CCDC175: variants seen among roughly 807,000 people sequenced by gnomAD.
CCDC175 encodes the protein coiled-coil domain-containing protein 175.
A neutral mutation model predicts 114.6 loss-of-function variants in CCDC175; 100 were observed. The ratio of observed to expected loss-of-function variants is 0.87; its 90% CI spans 0.74 to 1.03. The LOEUF is 1.03. Ranked by LOEUF, CCDC175 falls within the 50% of genes least tolerant of loss-of-function variation. The pLI, the probability that CCDC175 is intolerant of heterozygous loss-of-function variation, is 0.00. For synonymous variants in CCDC175, 306 were observed against 308.7 expected (o/e 0.99, Z 0.09); for missense variants, 880 against 917.8 (o/e 0.96, Z 0.53).
In CCDC175 at chr14:59,549,742, AG is replaced by A. The variant is rs1448407363; in HGVS notation, c.1035+1612del. Among the ~76,000 whole-genome samples the A allele has an allele frequency of 1.9e-3, 295 of 151,286 alleles. 3 individuals are homozygous for A. Among genetic ancestry groups the A allele is most frequent in the African/African-American group, 6.7e-3 (275 of 41,280 alleles). ...CTCAAAAAAAAAAAGAAAAAGAAAA[AG>A]AAAAAAAAGAAAGAAAAGAAAGGAA... On this transcript the variant is annotated intron_variant, in intron 8 of 19. Transcript: ENST00000537690.
chr14:59,540,827 G>T, intron 10 of CCDC175, 81 bp from the exon 11 acceptor site: 3 of 1,139,762 alleles, frequency 2.6e-6, no homozygotes, highest in Non-Finnish European at 3.7e-6. Context: ...TAATTTGTAT[G>T]CTCAGTAAGG....
chr14:59,538,303 T>C, intron 12 of CCDC175, 149 bp from the exon 13 acceptor site: 1 of 669,652 alleles, frequency 1.5e-6, no homozygotes, highest in Non-Finnish European at 2.4e-6. Flanking sequence ...GAGGAATATT[T>C]TTTTCCTCCA....
At chr14:59,525,641 A>C (rs149928068) in intron 15 of CCDC175, among the ~76,000 whole-genome samples, 9 of 152,210 alleles carry the variant, frequency 5.9e-5, no homozygotes, top group African/African-American at 2.2e-4. Flanking sequence ...TCAAGATAAG[A>C]ACCCCAGACC....
At chr14:59,521,871 C>T (rs1803874901) in intron 16 of CCDC175, among the ~76,000 whole-genome samples, 195 bp from the exon 17 acceptor site, 1 of 152,190 alleles carries the variant, frequency 6.6e-6, no homozygotes, top group African/African-American at 2.4e-5. Flanking sequence ...ATTCTGCTTC[C>T]TATGAAGCAT....
At chr14:59,555,328 G>A (rs1194330910) in intron 7 of CCDC175, among the ~76,000 whole-genome samples, 4 of 152,142 alleles carry the variant, frequency 2.6e-5, no homozygotes, top group South Asian at 2.1e-4. Context: ...ATCAATAAAC[G>A]TAATCCAGCA....
chr14:59,555,092 G>A (rs1156898010), intron 7 of CCDC175, among the ~76,000 whole-genome samples: 1 of 152,124 alleles, frequency 6.6e-6, no homozygotes, highest in African/African-American at 2.4e-5. Context: ...TAGAAAGAGG[G>A]AATCCTCCCT....
intron 13 of CCDC175, 131 bp from the exon 14 acceptor site, chr14:59,532,041 A>G (rs1894103206): frequency 1.7e-6 from 1 of 572,418 alleles, no homozygotes; most frequent in Admixed American, 3.4e-5. Flanking sequence ...GTACATAGAA[A>G]GACATATGGC....
intron 13 of CCDC175, among the ~76,000 whole-genome samples, chr14:59,535,414 T>C (rs1354965628): frequency 6.6e-6 from 1 of 152,230 alleles, no homozygotes; most frequent in Non-Finnish European, 1.5e-5. Context: ...AAAAGTTAAA[T>C]AGGATCCTTA....
intron 1 of CCDC175, 26 bp from the exon 2 acceptor site, chr14:59,575,054 A>T: frequency 2.4e-6 from 3 of 1,275,106 alleles, no homozygotes; most frequent in Non-Finnish European, 3.2e-6. Flanking sequence ...GAAAATAAAG[A>T]TCTCTTATTT....
At chr14:59,511,281 T>G (rs759554701) in intron 18 of CCDC175, among the ~76,000 whole-genome samples, 4 of 152,178 alleles carry the variant, frequency 2.6e-5, no homozygotes, top group Non-Finnish European at 4.4e-5. Flanking sequence ...GTTTTAATAC[T>G]TAAATGAGGA....
intron 1 of CCDC175, among the ~76,000 whole-genome samples, chr14:59,576,337 T>A (rs1595092625): frequency 6.6e-6 from 1 of 152,182 alleles, no homozygotes. Flanking sequence ...GTCGCAGGCA[T>A]AGGGCAGTGG....
At chr14:59,539,166 A>C (rs187511618) in intron 11 of CCDC175, among the ~76,000 whole-genome samples, 5 of 152,354 alleles carry the variant, frequency 3.3e-5, no homozygotes, top group Admixed American at 1.3e-4. Context: ...CCCAGGCAGA[A>C]ATAGTAATAG....
rs1595074364 is a variant in CCDC175, at chr14:59,565,064, G to C, written c.703C>G (p.Gln235Glu). ...KERAEYLIRK[Q>E]ELTAQINEFE... ...CCACTTACCTGTGCAGTCAACTCTT[G>C]TTTTCTTATTAGATATTCTGCCCTT... The change falls in exon 5 of 20, where the codon CAA becomes GAA. Residue 235 changes from glutamine (Q) to glutamate (E), a missense_variant. Transcript: ENST00000537690. 6.5e-7 allele frequency: 1 copy of C among 1,534,372 alleles called. No individual in the cohort carries two copies. The highest frequency in any genetic ancestry group is 8.7e-7 in the Non-Finnish European group (1 of 1,145,186).
intron 8 of CCDC175, 89 bp downstream of exon 8, chr14:59,551,266 G>T: frequency 1.5e-6 from 1 of 660,312 alleles, no homozygotes; most frequent in South Asian, 3.1e-5. Flanking sequence ...ACATCCTTTT[G>T]AAAAATTCTA....
At chr14:59,510,458 G>A in intron 19 of CCDC175, 188 bp downstream of exon 19, 1 of 549,086 alleles carries the variant, frequency 1.8e-6, no homozygotes, top group East Asian at 3.2e-5. Flanking sequence ...TAGGTGAAAG[G>A]CAGAATTGGA....
In CCDC175 at chr14:59,551,386, T is replaced by TG; in HGVS notation, c.1003_1004insC (p.Glu335AlafsTer4). ...TATCTTGTTCAGGAATTCATTTTTT[T>TG]CATCATTAGATATATCATCTAGTTT... On this transcript the variant is annotated frameshift_variant, in exon 8 of 20. Coordinates refer to ENST00000537690, the MANE Select transcript of CCDC175 (RefSeq NM_001164399.2). LOFTEE classifies it high-confidence loss of function. 2 of 1,456,774 alleles carry TG rather than the reference T, an allele frequency of 1.4e-6. No individual in the cohort carries two copies. Among genetic ancestry groups the TG allele is most frequent in the Non-Finnish European group, 1.8e-6 (2 of 1,090,454 alleles). The allele number at this position is 1,456,774 out of a possible 1,614,324, so 90.2% of individuals were successfully genotyped here.
intron 14 of CCDC175, among the ~76,000 whole-genome samples, chr14:59,530,889 TTCA>T (rs1894032554): frequency 6.6e-6 from 1 of 152,168 alleles, no homozygotes; most frequent in Non-Finnish European, 1.5e-5. Context: ...TGTCTCTTCT[TTCA>T]TCATCTAGAA....
At chr14:59,525,075 C>T (rs536221988) in intron 16 of CCDC175, among the ~76,000 whole-genome samples, 10 of 152,168 alleles carry the variant, frequency 6.6e-5, no homozygotes, top group Non-Finnish European at 1.5e-4. Context: ...TATCTGGATA[C>T]TGATAATGCT....
chr14:59,555,031 A>G (rs1895790949), intron 7 of CCDC175, among the ~76,000 whole-genome samples: 1 of 152,244 alleles, frequency 6.6e-6, no homozygotes, highest in African/African-American at 2.4e-5. Context: ...GAATTCTACC[A>G]GAGGTACAAG....
Sources: allele counts gnomAD v4.1 joint callset (sites outside exome capture counted in the v4.1 genomes callset), GRCh38; gene constraint gnomAD v4.1.1; transcripts MANE v1.5; gene names NCBI Gene and HGNC (gene_info 2026-07-23, HGNC 2026-07-21).